LRRC2: variants seen among roughly 807,000 people sequenced by gnomAD.
LRRC2 encodes the protein leucine rich repeat containing 2, also known as leucine-rich repeat-containing protein 2.
LRRC2 carries 27 observed loss-of-function variants against 40.2 expected under a neutral mutation model. That is an observed-to-expected ratio of 0.67 (90% CI 0.49 to 0.93). The LOEUF is 0.93. Ranked by LOEUF, LRRC2 falls within the 40% of genes least tolerant of loss-of-function variation. The pLI, the probability that LRRC2 is intolerant of heterozygous loss-of-function variation, is 0.00. For missense variants in LRRC2, 402 were observed against 439.6 expected, an observed-to-expected ratio of 0.91 and a Z score of 0.76; for synonymous variants, 147 against 158.9, an observed-to-expected ratio of 0.92 and a Z score of 0.56.
At chr3:46,562,437 T>C (rs1032063079) in intron 1 of LRRC2, among the ~76,000 whole-genome samples, 1 of 152,306 alleles carries the variant, frequency 6.6e-6, no homozygotes, top group East Asian at 1.9e-4. Flanking sequence ...TGTGAGATAA[T>C]AAATGTGTGT....
At chr3:46,533,051 G>A (rs1455783807) in intron 4 of LRRC2, 142 bp from the exon 5 acceptor site, 2 of 829,586 alleles carry the variant, frequency 2.4e-6, no homozygotes, top group Non-Finnish European at 3.7e-6. Context: ...GTTTTGGGGG[G>A]TGTATCTAAT....
chr3:46,556,985 T>C (rs932135557), intron 1 of LRRC2, among the ~76,000 whole-genome samples: 2 of 152,218 alleles, frequency 1.3e-5, no homozygotes, highest in Non-Finnish European at 2.9e-5. Context: ...CATAGATTCT[T>C]GAGGGCTTGT....
intron 1 of LRRC2, among the ~76,000 whole-genome samples, chr3:46,556,515 GC>G (rs1704799243): frequency 6.7e-6 from 1 of 150,128 alleles, no homozygotes; most frequent in South Asian, 2.1e-4. Context: ...GATTTGTTTA[GC>G]TTTTTTAATC....
At chr3:46,542,920 A>C (rs1459274989) in intron 3 of LRRC2, among the ~76,000 whole-genome samples, 3 of 152,148 alleles carry the variant, frequency 2.0e-5, no homozygotes, top group African/African-American at 7.2e-5. Flanking sequence ...GAAGCTCCAC[A>C]GCCCATTCCT....
At chr3:46,522,247 C>T (rs989490017) in intron 7 of LRRC2, among the ~76,000 whole-genome samples, 22 of 151,566 alleles carry the variant, frequency 1.5e-4, no homozygotes, top group Admixed American at 2.6e-4. Flanking sequence ...TGGTGGCAGG[C>T]GCCTATAATC....
intron 2 of LRRC2, among the ~76,000 whole-genome samples, chr3:46,546,631 A>T (rs540911333): frequency 6.6e-6 from 1 of 152,304 alleles, no homozygotes; most frequent in South Asian, 2.1e-4. Context: ...AAAGCCATAC[A>T]AATAATTCTT....
intron 4 of LRRC2, 87 bp from the exon 5 acceptor site, chr3:46,532,996 T>G: frequency 7.6e-7 from 1 of 1,323,990 alleles, no homozygotes; most frequent in Non-Finnish European, 1.1e-6. Context: ...TAAACAGCTC[T>G]GTAAATAATG....
chr3:46,563,356 C>T (rs75837573), intron 1 of LRRC2, among the ~76,000 whole-genome samples: 2,819 of 152,294 alleles, frequency 0.019, 29 homozygotes, highest in Middle Eastern at 0.045. Flanking sequence ...TCCCAGCTTT[C>T]CACAGAGGCA....
rs564663943 is a variant in LRRC2, at chr3:46,543,544, A to G, written c.333+1502T>C. 3.9e-5 allele frequency among the ~76,000 whole-genome samples: 6 copies of G among 151,994 alleles called. No homozygotes were observed. The South Asian group carries it at 8.4e-4, about 21-fold the overall frequency. On this transcript the variant is annotated intron_variant, in intron 3 of 8. Coordinates refer to ENST00000395905, the MANE Select transcript of LRRC2 (RefSeq NM_024512.5). ...GGCAGGAGAATGGCGTGAACCCGGG[A>G]GGCGGAGCTTGCAGCGAGCTGAGAT... is the stretch of plus-strand genomic sequence containing the variant.
chr3:46,560,093 T>C (rs543590474), intron 1 of LRRC2, among the ~76,000 whole-genome samples: 1 of 152,282 alleles, frequency 6.6e-6, no homozygotes, highest in African/African-American at 2.4e-5. Context: ...TGGCATCCCA[T>C]GTAGGACAGA....
chr3:46,536,548 C>T (rs866790517), intron 4 of LRRC2, among the ~76,000 whole-genome samples: 2 of 152,316 alleles, frequency 1.3e-5, no homozygotes, highest in South Asian at 4.1e-4. Flanking sequence ...CTCTTCTCCT[C>T]CTCCGAGTGT....
In LRRC2 at chr3:46,551,461, A is replaced by T. The variant is rs199560138; in HGVS notation, c.125+6T>A. The T allele has an allele frequency of 3.1e-6, 5 of 1,612,114 alleles. No individual in the cohort carries two copies. The highest frequency in any genetic ancestry group is 4.2e-6 in the Non-Finnish European group (5 of 1,179,460). On this transcript the variant is annotated splice_donor_region_variant and intron_variant, in intron 2 of 8. Coordinates refer to ENST00000395905, the MANE Select transcript of LRRC2 (RefSeq NM_024512.5). ...AGCTACAAGACTAGGTTGAGAAAAC[A>T]CGTACTTCTCCAAGGCGCTCTTCTC...
In LRRC2 at chr3:46,542,050, G is replaced by T. The variant is rs144157469; in HGVS notation, c.334-2849C>A. ...GGAGAGGGGAGGCACCAGTGAGATG[G>T]GGACTTTACAGCAACTTCCTCAAAA... On this transcript the variant is annotated intron_variant, in intron 3 of 8. Coordinates refer to ENST00000395905, the MANE Select transcript of LRRC2 (RefSeq NM_024512.5). Among the ~76,000 whole-genome samples the T allele has an allele frequency of 9.2e-3, 1,395 of 152,148 alleles. 13 individuals are homozygous for T. Among genetic ancestry groups the T allele is most frequent in the Non-Finnish European group, 0.013 (874 of 67,980 alleles).
In LRRC2 at chr3:46,532,753, C is replaced by T; in HGVS notation, c.627+20G>A. 1 of 1,608,998 alleles carries T rather than the reference C, an allele frequency of 6.2e-7. No homozygotes were observed. Among genetic ancestry groups the T allele is most frequent in the Non-Finnish European group, 8.5e-7 (1 of 1,177,590 alleles). On this transcript the variant is annotated intron_variant, in intron 5 of 8. Transcript: ENST00000395905. ...AACCAAATAAAAGTGAATCGTAGTACAGAAATGTTTATCTCTTACTTCAAA... is the reference window on the plus strand; with the variant it reads ...AACCAAATAAAAGTGAATCGTAGTATAGAAATGTTTATCTCTTACTTCAAA...
In LRRC2 at chr3:46,547,512, C is replaced by T. The variant is rs188293044; in HGVS notation, c.126-2259G>A. Among the ~76,000 whole-genome samples, 329 of 151,104 alleles carry T rather than the reference C, an allele frequency of 2.2e-3. 1 individual carries two copies. The highest frequency in any genetic ancestry group is 4.0e-3 in the Non-Finnish European group (270 of 67,832). On this transcript the variant is annotated intron_variant, in intron 2 of 8. Transcript: ENST00000395905. ...AAAATACAAGAAAAAAAAAAGAAAG[C>T]GGGGCTGGTGGCACATGCTTGTAGT...
chr3:46,520,744 A>G (rs1348317150), intron 8 of LRRC2, among the ~76,000 whole-genome samples: 1 of 152,202 alleles, frequency 6.6e-6, no homozygotes, highest in African/African-American at 2.4e-5. Context: ...CACTTGTGGG[A>G]CAACTCTCTT....
At chr3:46,555,022 G>A (rs959239281) in intron 1 of LRRC2, among the ~76,000 whole-genome samples, 1 of 152,066 alleles carries the variant, frequency 6.6e-6, no homozygotes, top group South Asian at 2.1e-4. Context: ...ATGCTTGTTA[G>A]GCATTTATAG....
chr3:46,528,124 G>T (rs1010844735), intron 6 of LRRC2, among the ~76,000 whole-genome samples: 1 of 152,114 alleles, frequency 6.6e-6, no homozygotes, highest in African/African-American at 2.4e-5. Flanking sequence ...ATAGCAGCGG[G>T]ATAAGCATAC....
intron 3 of LRRC2, among the ~76,000 whole-genome samples, chr3:46,540,159 G>A (rs1704355008): frequency 6.6e-6 from 1 of 152,218 alleles, no homozygotes; most frequent in African/African-American, 2.4e-5. Flanking sequence ...TTGCCCTCCT[G>A]TGTGTGGGTT....
Sources: allele counts gnomAD v4.1 joint callset (sites outside exome capture counted in the v4.1 genomes callset), GRCh38; gene constraint gnomAD v4.1.1; transcripts MANE v1.5; gene names NCBI Gene and HGNC (gene_info 2026-07-23, HGNC 2026-07-21).